CSMD1: variants seen among roughly 807,000 people sequenced by gnomAD.
The protein encoded by CSMD1 is CUB and sushi domain-containing protein 1.
In CSMD1, 213 loss-of-function variants were observed where a neutral mutation model predicts 417.5. The ratio of observed to expected loss-of-function variants is 0.51; its 90% CI spans 0.46 to 0.57. The LOEUF (loss-of-function observed/expected upper bound fraction) is 0.57. Among genes scored for constraint, CSMD1 ranks in the 20% least tolerant of loss-of-function variants. The probability of loss-of-function intolerance (pLI) is 0.00; values close to 1 mark genes in which losing one functional copy is unlikely to be tolerated. For missense variants in CSMD1, 6,923 were observed against 4,529.7 expected, an observed-to-expected ratio of 1.53 and a Z score of -15.17; for synonymous variants, 2,862 against 1,736.8, an observed-to-expected ratio of 1.65 and a Z score of -16.11.
intron 3 of CSMD1, among the ~76,000 whole-genome samples, chr8:4,137,370 T>C (rs976728421): frequency 1.3e-5 from 1 of 77,446 alleles, no homozygotes; most frequent in African/African-American, 2.9e-5. Flanking sequence ...GCAAACTTCT[T>C]ATGCTAAATA....
rs1378190850 is a variant in CSMD1 at position 4,057,929 on chromosome 8, T to G, written c.416-25830A>C. 4.6e-5 allele frequency among the ~76,000 whole-genome samples: 7 copies of G among 151,438 alleles called. No homozygotes were observed. The East Asian group carries it at 9.7e-4, about 21-fold the overall frequency. ...GGTACCAGTACCATGCTGTTTTGGTTCCTGTAGCCTTGTAGCATAGTTTGA... is the reference window on the plus strand; with the variant it reads ...GGTACCAGTACCATGCTGTTTTGGTGCCTGTAGCCTTGTAGCATAGTTTGA... On this transcript the variant is annotated intron_variant, in intron 3 of 69. Transcript: ENST00000635120.
At chr8:4,198,730 T>C (rs1239118287) in intron 3 of CSMD1, among the ~76,000 whole-genome samples, 1 of 152,208 alleles carries the variant, frequency 6.6e-6, no homozygotes, top group African/African-American at 2.4e-5. Context: ...TAATTGGTTT[T>C]CTTTGTAATC....
intron 5 of CSMD1, among the ~76,000 whole-genome samples, chr8:3,917,461 G>A (rs1176093303): frequency 6.6e-6 from 1 of 151,870 alleles, no homozygotes; most frequent in Non-Finnish European, 1.5e-5. Flanking sequence ...GCACAAATAT[G>A]TTTCCTGCTA....
rs114790994 is a variant in CSMD1 at position 4,460,360 on chromosome 8, G to C, written c.303-40295C>G. ...ATTGCATAGAGGGAAATTTAGAGTA[G>C]TAAATAACTATATTTAAAAAGAAAA... is the stretch of plus-strand genomic sequence containing the variant. On this transcript the variant is annotated intron_variant, in intron 2 of 69. Transcript: ENST00000635120. 3.4e-3 allele frequency among the ~76,000 whole-genome samples: 520 copies of C among 152,132 alleles called. 6 individuals carry two copies. Among genetic ancestry groups the C allele is most frequent in the African/African-American group, 0.012 (500 of 41,536 alleles).
chr8:3,713,616 C>A (rs1387671577), intron 6 of CSMD1, among the ~76,000 whole-genome samples: 1 of 152,166 alleles, frequency 6.6e-6, no homozygotes, highest in Non-Finnish European at 1.5e-5. Context: ...CCCGTACCGT[C>A]CTTCATTAGA....
At chr8:4,270,657 T>G (rs905258428) in intron 3 of CSMD1, among the ~76,000 whole-genome samples, 2 of 152,226 alleles carry the variant, frequency 1.3e-5, no homozygotes, top group Non-Finnish European at 2.9e-5. Context: ...AGATCGCGTG[T>G]CTGCCAATGT....
At chr8:3,214,427 AT>A (rs1797779705) in intron 30 of CSMD1, 69 bp downstream of exon 30, 39 of 1,321,212 alleles carry the variant, frequency 3.0e-5, no homozygotes, top group Non-Finnish European at 4.0e-5. Context: ...ATGTGAAACC[AT>A]TTCTTCAATG....
intron 2 of CSMD1, among the ~76,000 whole-genome samples, chr8:4,461,213 C>A (rs565426551): frequency 1.3e-5 from 2 of 152,052 alleles, no homozygotes; most frequent in African/African-American, 4.8e-5. Flanking sequence ...AAACAATTAA[C>A]TAGCAATGGG....
chr8:4,043,654 T>C (rs543116356), intron 3 of CSMD1, among the ~76,000 whole-genome samples: 2 of 152,224 alleles, frequency 1.3e-5, no homozygotes, highest in Non-Finnish European at 2.9e-5. Context: ...CTAGGAGTGG[T>C]GGTTCCTGGG....
At chr8:2,948,420 G>A (rs1802401086) in intron 68 of CSMD1, among the ~76,000 whole-genome samples, 1 of 151,822 alleles carries the variant, frequency 6.6e-6, no homozygotes, top group South Asian at 2.1e-4. Context: ...AATCACTAAG[G>A]CAAAAATCAA....
intron 5 of CSMD1, among the ~76,000 whole-genome samples, chr8:3,840,359 T>C (rs1272109792): frequency 6.6e-6 from 1 of 152,158 alleles, no homozygotes; most frequent in East Asian, 1.9e-4. Flanking sequence ...AAAACTCTAG[T>C]GCACAAATAT....
chr8:4,515,462 C>A (rs1431768168), intron 2 of CSMD1, among the ~76,000 whole-genome samples: 1 of 152,120 alleles, frequency 6.6e-6, no homozygotes, highest in African/African-American at 2.4e-5. Context: ...AATATCTGAT[C>A]TGGATTTAAA....
intron 3 of CSMD1, among the ~76,000 whole-genome samples, chr8:4,158,155 C>T (rs111392282): frequency 3.4e-4 from 51 of 151,550 alleles, no homozygotes; most frequent in African/African-American, 9.2e-4. Flanking sequence ...ATTCTCCCTA[C>T]GGCCTTCATC....
intron 26 of CSMD1, among the ~76,000 whole-genome samples, chr8:3,281,586 C>T (rs1339113761): frequency 6.6e-6 from 1 of 152,104 alleles, no homozygotes; most frequent in Non-Finnish European, 1.5e-5. Context: ...ACATGAAAGG[C>T]CACACACTGC....
intron 3 of CSMD1, among the ~76,000 whole-genome samples, chr8:4,269,047 T>A (rs1374749449): frequency 1.3e-5 from 2 of 152,196 alleles, no homozygotes; most frequent in Admixed American, 6.5e-5. Flanking sequence ...CAAGGTATCA[T>A]CTTCGTCTTT....
intron 3 of CSMD1, among the ~76,000 whole-genome samples, chr8:4,115,591 A>AT: frequency 6.6e-6 from 1 of 152,318 alleles, no homozygotes; most frequent in Admixed American, 6.5e-5. Context: ...CTGATCATAC[A>AT]TTTTTAAATA....
intron 1 of CSMD1, among the ~76,000 whole-genome samples, chr8:4,711,143 TCAA>T (rs1444297136): frequency 2.0e-5 from 3 of 150,022 alleles, no homozygotes; most frequent in Non-Finnish European, 4.4e-5. Context: ...GATGAAATTC[TCAA>T]CAATTTTCTC....
In CSMD1 at chr8:3,201,661, T is replaced by A; in HGVS notation, c.5049A>T (p.Gly1683=). ...ALNDLAELFD[G]THAQARLLSS... Reference sequence around the variant, plus strand: ...TGAGAAGTCTGGCCTGTGCATGGGTTCCATCAAATAATTCTGCCAAATCAT... The same window carrying A: ...TGAGAAGTCTGGCCTGTGCATGGGTACCATCAAATAATTCTGCCAAATCAT... Residue 1683 remains glycine, a synonymous_variant, in exon 32 of 70, where the codon GGA becomes GGT. Coordinates refer to ENST00000635120, the MANE Select transcript of CSMD1 (RefSeq NM_033225.6). 1 of 1,606,900 alleles carries A rather than the reference T, an allele frequency of 6.2e-7. No homozygotes were observed. Among genetic ancestry groups the A allele is most frequent in the Non-Finnish European group, 8.5e-7 (1 of 1,176,660 alleles).
At chr8:4,194,087 C>A (rs1799193955) in intron 3 of CSMD1, among the ~76,000 whole-genome samples, 1 of 152,068 alleles carries the variant, frequency 6.6e-6, no homozygotes, top group Non-Finnish European at 1.5e-5. Flanking sequence ...TTTCAATCTA[C>A]TGTAAATGTT....
Sources: allele counts gnomAD v4.1 joint callset (sites outside exome capture counted in the v4.1 genomes callset), GRCh38; gene constraint gnomAD v4.1.1; transcripts MANE v1.5; gene names NCBI Gene and HGNC (gene_info 2026-07-23, HGNC 2026-07-21).